Variants in ANGPT2 observed in about 807,000 individuals in gnomAD.
The protein encoded by ANGPT2 is angiopoietin-2.
In ANGPT2, 28 loss-of-function variants were observed where a neutral mutation model predicts 62.9. The observed-to-expected ratio is 0.44, with a 90% CI of 0.33 to 0.61. ANGPT2 has a LOEUF of 0.61. Ranked by LOEUF, ANGPT2 falls within the 20% of genes least tolerant of loss-of-function variation. ANGPT2 has a pLI of 0.03. For synonymous variants in ANGPT2, 284 were observed against 207.8 expected, an observed-to-expected ratio of 1.37 and a Z score of -3.15; for missense variants, 727 against 594.9, an observed-to-expected ratio of 1.22 and a Z score of -2.31.
chr8:6,509,781 A>C (rs2442635), intron 7 of ANGPT2, among the ~76,000 whole-genome samples: 1 of 151,938 alleles, frequency 6.6e-6, no homozygotes, highest in Non-Finnish European at 1.5e-5. Context: ...GCTTAGCTCT[A>C]GCCTTCCTTA....
intron 7 of ANGPT2, among the ~76,000 whole-genome samples, chr8:6,510,350 C>T (rs1814794014): frequency 6.6e-6 from 1 of 152,102 alleles, no homozygotes; most frequent in African/African-American, 2.4e-5. Context: ...CAAAGCAAAT[C>T]CTGCAATGGT....
chr8:6,532,271 C>G, intron 2 of ANGPT2, 61 bp downstream of exon 2: 3 of 1,595,336 alleles, frequency 1.9e-6, no homozygotes, highest in Non-Finnish European at 1.7e-6. Flanking sequence ...AAGCTCCTGA[C>G]GCGACTGAGT....
At chr8:6,510,004 A>G (rs1266057000) in intron 7 of ANGPT2, among the ~76,000 whole-genome samples, 1 of 152,170 alleles carries the variant, frequency 6.6e-6, no homozygotes, top group African/African-American at 2.4e-5. Context: ...TTTCTGCTGA[A>G]TGCGTATCAC....
chr8:6,542,560 C>T (rs2515486), intron 1 of ANGPT2, among the ~76,000 whole-genome samples: 4 of 151,616 alleles, frequency 2.6e-5, no homozygotes, highest in East Asian at 1.9e-4. Context: ...CACCCCATCC[C>T]GCACTCTCAT....
At chr8:6,550,309 C>G (rs941065180) in intron 1 of ANGPT2, among the ~76,000 whole-genome samples, 1 of 152,160 alleles carries the variant, frequency 6.6e-6, no homozygotes, top group African/African-American at 2.4e-5. Context: ...CTGCCTCTCC[C>G]TATGTGTGTG....
At chr8:6,522,954 C>G (rs1326775739) in intron 3 of ANGPT2, among the ~76,000 whole-genome samples, 1 of 151,952 alleles carries the variant, frequency 6.6e-6, no homozygotes, top group Non-Finnish European at 1.5e-5. Context: ...ATGGCATGTA[C>G]TTAATACATA....
chr8:6,527,423 C>T (rs1818536196), intron 3 of ANGPT2, 132 bp downstream of exon 3: 4 of 1,084,072 alleles, frequency 3.7e-6, no homozygotes, highest in South Asian at 3.5e-5. Flanking sequence ...CCTTCTCCTC[C>T]CTCATGAGGT....
chr8:6,534,848 T>G (rs933155940), intron 1 of ANGPT2, among the ~76,000 whole-genome samples: 1 of 152,178 alleles, frequency 6.6e-6, no homozygotes, highest in African/African-American at 2.4e-5. Context: ...CTTTTGTGAT[T>G]GAAATAAACT....
At chr8:6,526,482 C>G (rs1439528976) in intron 3 of ANGPT2, among the ~76,000 whole-genome samples, 1 of 151,684 alleles carries the variant, frequency 6.6e-6, no homozygotes, top group African/African-American at 2.4e-5. Context: ...ATTGTTATAT[C>G]TCAATGATTG....
intron 8 of ANGPT2, among the ~76,000 whole-genome samples, chr8:6,505,294 C>T (rs866541386): frequency 0.12 from 4,537 of 36,390 alleles, 891 homozygotes; most frequent in East Asian, 0.29. Context: ...ATGTTATATA[C>T]ATATATATGT....
At chr8:6,542,538 C>T (rs933519807) in intron 1 of ANGPT2, among the ~76,000 whole-genome samples, 3 of 152,052 alleles carry the variant, frequency 2.0e-5, no homozygotes, top group African/African-American at 7.2e-5. Flanking sequence ...AACTTAAACC[C>T]TGGTCTCCCA....
chr8:6,537,849 T>C (rs1820784096), intron 1 of ANGPT2, among the ~76,000 whole-genome samples: 1 of 152,132 alleles, frequency 6.6e-6, no homozygotes, highest in Non-Finnish European at 1.5e-5. Context: ...CTGATGTTGA[T>C]TTCTCACCAA....
At chr8:6,537,735 G>C (rs1820767555) in intron 1 of ANGPT2, among the ~76,000 whole-genome samples, 1 of 152,022 alleles carries the variant, frequency 6.6e-6, no homozygotes, top group South Asian at 2.1e-4. Context: ...TTCTCACCAA[G>C]ATTGTCATCA....
At chr8:6,546,901 C>A (rs180903114) in intron 1 of ANGPT2, among the ~76,000 whole-genome samples, 1 of 152,156 alleles carries the variant, frequency 6.6e-6, no homozygotes, top group African/African-American at 2.4e-5. Flanking sequence ...TGTACCCTTC[C>A]GTGTTTTCCT....
intron 5 of ANGPT2, among the ~76,000 whole-genome samples, chr8:6,517,867 A>G (rs1355703197): frequency 6.6e-6 from 1 of 152,216 alleles, no homozygotes; most frequent in Non-Finnish European, 1.5e-5. Flanking sequence ...CTGGAAGGGA[A>G]TTTAGAAGTA....
chr8:6,505,642 C>A (rs1362200090), intron 8 of ANGPT2, among the ~76,000 whole-genome samples: 1 of 125,438 alleles, frequency 8.0e-6, no homozygotes, highest in South Asian at 2.4e-4. Context: ...TGTATATATT[C>A]TTTATATCTA....
intron 1 of ANGPT2, among the ~76,000 whole-genome samples, chr8:6,534,044 T>C (rs1586440614): frequency 6.6e-6 from 1 of 152,058 alleles, no homozygotes; most frequent in African/African-American, 2.4e-5. Flanking sequence ...AGCTCCCAGC[T>C]CCCTGCATGC....
chr8:6,537,730 A>G (rs749157018), intron 1 of ANGPT2, among the ~76,000 whole-genome samples: 3 of 152,072 alleles, frequency 2.0e-5, no homozygotes, highest in African/African-American at 4.8e-5. Context: ...CTTCCTTCTC[A>G]CCAAGATTGT....
chr8:6,542,208 G>T (rs557003989), intron 1 of ANGPT2, among the ~76,000 whole-genome samples: 1 of 152,080 alleles, frequency 6.6e-6, no homozygotes, highest in African/African-American at 2.4e-5. Flanking sequence ...AAATGTCTCA[G>T]TGTTTTTCTA....
Sources: gnomAD v4.1 joint callset for allele counts (sites outside exome capture counted in the v4.1 genomes callset) on GRCh38, gnomAD v4.1.1 for gene constraint, MANE v1.5 for transcripts, NCBI Gene and HGNC (gene_info 2026-07-23, HGNC 2026-07-21) for gene names.